Variants in SACS observed in about 807,000 individuals in gnomAD.
SACS encodes sacsin molecular chaperone, also known as sacsin.
Under a neutral mutation model 348.0 loss-of-function variants are expected in SACS, and 197 were observed. The ratio of observed to expected loss-of-function variants is 0.57; its 90% confidence interval spans 0.50 to 0.64. The LOEUF (loss-of-function observed/expected upper bound fraction) is 0.64, where lower values mean the gene tolerates loss of function less well. Among genes scored for constraint, SACS ranks in the 30% least tolerant of loss-of-function variants. The probability of loss-of-function intolerance (pLI) is 0.00; values close to 1 mark genes in which losing one functional copy is unlikely to be tolerated. For missense variants in SACS, 4,999 were observed against 5,360.8 expected (o/e 0.93, Z 2.11); for synonymous variants, 1,985 against 1,910.6 (o/e 1.04, Z -1.02).
intron 4 of SACS, among the ~76,000 whole-genome samples, chr13:23,370,293 C>T (rs1871303965): frequency 6.6e-6 from 1 of 152,182 alleles, no homozygotes; most frequent in African/African-American, 2.4e-5. Context: ...TTGAGTACAA[C>T]TCAAATACAA....
Position 23,346,706 on chromosome 13 carries a change from T to C in SACS, c.2186-5016A>G, listed in dbSNP as rs889507930. 36 of 348,216 alleles carry C rather than the reference T, an allele frequency of 1.0e-4. 1 individual carries two copies. Among genetic ancestry groups the C allele is most frequent in the Non-Finnish European group, 2.0e-5 (5 of 247,580 alleles). The allele number at this position is 348,216 out of a possible 1,614,324, so 21.6% of individuals were successfully genotyped here. A position where few individuals can be genotyped will look rare whatever the true frequency, so the allele number is the denominator to read the frequency against. On this transcript the variant is annotated intron_variant, in intron 9 of 9. Coordinates refer to ENST00000382292, the MANE Select transcript of SACS (RefSeq NM_014363.6). The stretch of plus-strand genomic sequence containing the variant: ...GTTATTACCACCAGAAAAAAAATTG[T>C]TGACATAATTTCTAGCTACTTAGGT...
In SACS at chr13:23,364,596, T is replaced by C. The variant is rs1258639983; in HGVS notation, c.457+570A>G. Among the ~76,000 whole-genome samples the C allele has an allele frequency of 2.0e-5, 3 of 152,202 alleles. No homozygotes were observed. In the East Asian group the frequency reaches 5.8e-4, roughly 29 times the overall value. ...GCACCCAGCCAGAGGTATACTACAATTTATGAACATTCTTTTTGACACCAA... is the reference window on the plus strand; with the variant it reads ...GCACCCAGCCAGAGGTATACTACAACTTATGAACATTCTTTTTGACACCAA... On this transcript the variant is annotated intron_variant, in intron 6 of 9. Coordinates refer to ENST00000382292, the MANE Select transcript of SACS (RefSeq NM_014363.6).
In SACS at chr13:23,331,302, C is replaced by T. The variant is rs1188251236; in HGVS notation, c.12574G>A (p.Asp4192Asn). 1 of 1,613,912 alleles carries T rather than the reference C, an allele frequency of 6.2e-7. No homozygotes were observed. The highest frequency in any genetic ancestry group is 1.3e-5 in the African/African-American group (1 of 75,008). Reference protein sequence around the residue: ...VGYLVDAEGGDIYGSYQPTYT... With the variant: ...VGYLVDAEGGNIYGSYQPTYT... ...GTTGGCTGGTATGATCCATAGATAT[C>T]ACCACCTTCAGCATCAACAAGGTAC... The change falls in exon 10 of 10, where the codon GAT (aspartate) becomes AAT (asparagine). Residue 4192 changes from aspartate (D) to asparagine (N), a missense_variant. Physicochemically the swap from Asp to Asn is conservative, Grantham distance 23. This residue lies in a region of SACS where 831 missense variants were observed against 941.8 expected (regional missense o/e 0.88). Coordinates refer to ENST00000382292, the MANE Select transcript of SACS (RefSeq NM_014363.6).
intron 1 of SACS, among the ~76,000 whole-genome samples, chr13:23,420,907 A>T (rs1054165553): frequency 6.6e-6 from 1 of 151,958 alleles, no homozygotes; most frequent in African/African-American, 2.4e-5. Context: ...GGACCTGGGT[A>T]TTTACCTGGG....
intron 2 of SACS, among the ~76,000 whole-genome samples, chr13:23,400,881 AG>A (rs1296409715): frequency 1.3e-5 from 2 of 152,190 alleles, no homozygotes; most frequent in African/African-American, 4.8e-5. Flanking sequence ...TTTTCCCATA[AG>A]GCCCTTGGAA....
intron 5 of SACS, among the ~76,000 whole-genome samples, chr13:23,367,362 G>A (rs533402804): frequency 1.3e-5 from 2 of 152,218 alleles, no homozygotes; most frequent in East Asian, 3.9e-4. Context: ...TTAAATTAAA[G>A]AGACCTAGTC....
At chr13:23,375,772 C>T (rs1871765290) in intron 2 of SACS, among the ~76,000 whole-genome samples, 2 of 151,926 alleles carry the variant, frequency 1.3e-5, no homozygotes, top group South Asian at 4.2e-4. Flanking sequence ...CAGGCTCCGC[C>T]TGCCAGGCCC....
intron 2 of SACS, among the ~76,000 whole-genome samples, chr13:23,391,554 G>C (rs1872526860): frequency 8.2e-6 from 1 of 121,650 alleles, no homozygotes; most frequent in Non-Finnish European, 1.8e-5. Context: ...CAGGGAGCTT[G>C]CTCTACATCG....
Position 23,329,861 on chromosome 13 carries a change from G to T in SACS, c.*275C>A. On this transcript the variant is annotated 3_prime_UTR_variant, in exon 10 of 10. Transcript: ENST00000382292. ...TTATCTAACAAACTGCTAAGCTTTG[G>T]TTATATAAAGTGCAGTTCAATGATG... is the stretch of plus-strand genomic sequence containing the variant. 1 of 515,746 alleles carries T rather than the reference G, an allele frequency of 1.9e-6. No individual in the cohort carries two copies. Among genetic ancestry groups the T allele is most frequent in the South Asian group, 2.2e-5 (1 of 45,736 alleles). The allele number at this position is 515,746 out of a possible 1,614,324, so 31.9% of individuals were successfully genotyped here.
At position 23,339,394 on chromosome 13, in the gene SACS, A is replaced by G; in HGVS notation, c.4482T>C (p.Ser1494=). Residue 1494 remains serine (S), a synonymous_variant, in exon 10 of 10, where the codon AGT becomes AGC. Coordinates refer to ENST00000382292, the MANE Select transcript of SACS (RefSeq NM_014363.6). ...TATTTCTTCTCATATCAATCAAGAA[A>G]CTGCATTCTGTTGCATTTGCATCAT... is the stretch of plus-strand genomic sequence containing the variant. ...NADDANATEC[S]FLIDMRRNMD... The G allele has an allele frequency of 2.5e-6, 4 of 1,612,336 alleles. No individual in the cohort carries two copies. The highest frequency in any genetic ancestry group is 3.4e-6 in the Non-Finnish European group (4 of 1,179,468).
chr13:23,413,001 G>A (rs541277165), intron 1 of SACS, among the ~76,000 whole-genome samples: 1 of 152,198 alleles, frequency 6.6e-6, no homozygotes, highest in Admixed American at 6.5e-5. Flanking sequence ...TTTTGAGAAG[G>A]AGTTTCGCTC....
chr13:23,339,644 A>C lies in SACS; in HGVS notation c.4232T>G (p.Leu1411Ter), dbSNP rs867249938. 9.3e-6 allele frequency: 15 copies of C among 1,612,744 alleles called. No homozygotes were observed. The highest frequency in any genetic ancestry group is 1.3e-5 in the Non-Finnish European group (15 of 1,179,038). Residue 1411 changes from leucine to a stop codon, truncating the protein, a stop_gained, in exon 10 of 10, where the codon TTA becomes TGA. Transcript: ENST00000382292. LOFTEE classifies it high-confidence loss of function. ...CDIKVDDLND[L>*]LEDSVEPIIL... ...GATTGGTTCCACAGAATCTTCAAGT[A>C]AGTCATTAAGGTCATCAACTTTAAT...
chr13:23,356,523 C>T, intron 7 of SACS, among the ~76,000 whole-genome samples: 1 of 152,258 alleles, frequency 6.6e-6, no homozygotes, highest in Admixed American at 6.5e-5. Flanking sequence ...AGCGGAAGCA[C>T]TTCTCTTGCT....
At position 23,355,591 on chromosome 13, in the gene SACS, G is replaced by C. The variant is rs1380262539; in HGVS notation, c.1021C>G (p.Leu341Val). ...FRVTSSESKA[L>V]KHERPNSIKI... ...ATAGAATTCGGCCGCTCATGTTTCA[G>C]TGCCTTACTCTCACTCGAAGTCACT... Residue 341 changes from leucine to valine, a missense_variant, in exon 8 of 10, where the codon CTG (leucine) becomes GTG (valine). Leu to Val is a conservative substitution (Grantham distance 32). Transcript: ENST00000382292. 2.5e-6 allele frequency: 4 copies of C among 1,614,000 alleles called. No homozygotes were observed.
intron 1 of SACS, among the ~76,000 whole-genome samples, chr13:23,426,783 C>T (rs529898015): frequency 1.4e-4 from 21 of 152,242 alleles, no homozygotes; most frequent in South Asian, 1.0e-3. Context: ...GCCTTTCCAA[C>T]GGAGGCAAAT....
At position 23,337,736 on chromosome 13, in the gene SACS, A is replaced by G. The variant is rs776749945; in HGVS notation, c.6140T>C (p.Leu2047Pro). 3.7e-6 allele frequency: 6 copies of G among 1,613,688 alleles called. No homozygotes were observed. In the African/African-American group the frequency reaches 8.0e-5, roughly 22 times the overall value. The change falls in exon 10 of 10, where the codon CTT becomes CCT. Residue 2047 changes from leucine (L) to proline (P), a missense_variant. Around this residue, in one of 6 missense-constraint regions of SACS, gnomAD observed 3,156 missense variants for 3,380.1 expected, o/e 0.93. Transcript: ENST00000382292. ...CTGTTTCTCTGAAAATGTGTTTTCA[A>G]GTAGTATCTGTTTGCAGCCAGCTTC... ...FEEAGCKQILLENTFSEKQFF... is the reference protein window; with the variant it reads ...FEEAGCKQILPENTFSEKQFF...
In SACS at chr13:23,332,862, C is replaced by T; in HGVS notation, c.11014G>A (p.Glu3672Lys). The T allele has an allele frequency of 6.2e-7, 1 of 1,613,864 alleles. No homozygotes were observed. ...EFIRFHPQYQEVNGTLPLIKF... is the reference protein window; with the variant it reads ...EFIRFHPQYQKVNGTLPLIKF... ...ATAAGAGGAAGTGTTCCATTTACCT[C>T]TTGATATTGAGGATGAAATCTAATG... The change falls in exon 10 of 10, where the codon GAG becomes AAG. Residue 3672 changes from glutamate (E) to lysine (K), a missense_variant. This residue lies in a region of SACS where 831 missense variants were observed against 941.8 expected (regional missense o/e 0.88). Transcript: ENST00000382292.
chr13:23,428,976 GAGACT>G (rs1329715951), intron 1 of SACS: 1 of 152,144 alleles, frequency 6.6e-6, no homozygotes, highest in Non-Finnish European at 1.5e-5. Flanking sequence ...GTGGAGGCAG[GAGACT>G]AGAAGGCTGG....
rs907197100 is a variant in SACS, at chr13:23,331,174, A to G, written c.12702T>C (p.Tyr4234=). The G allele has an allele frequency of 1.2e-6, 2 of 1,613,650 alleles. No homozygotes were observed. The highest frequency in any genetic ancestry group is 8.5e-7 in the Non-Finnish European group (1 of 1,179,692). ...ACAGATCAAGAGAGCTAACTATTTT[A>G]TATTCACTATAACCAATATCTATCT... ...IYQIDIGYSE[Y]KIVSSLDLYK... Residue 4234 remains tyrosine, a synonymous_variant, in exon 10 of 10, where the codon TAT becomes TAC. Coordinates refer to ENST00000382292, the MANE Select transcript of SACS (RefSeq NM_014363.6).
Sources: allele counts gnomAD v4.1 joint callset (sites outside exome capture counted in the v4.1 genomes callset), GRCh38; gene constraint gnomAD v4.1.1; regional missense constraint gnomAD v4.1.1; transcripts MANE v1.5; gene names NCBI Gene and HGNC (gene_info 2026-07-23, HGNC 2026-07-21).